COL11A1: variants seen among roughly 807,000 people sequenced by gnomAD.
COL11A1 encodes collagen alpha-1(XI) chain.
COL11A1 carries 74 observed loss-of-function variants against 265.2 expected under a neutral mutation model. The ratio of observed to expected loss-of-function variants is 0.28; its 90% CI spans 0.23 to 0.34. COL11A1 has a LOEUF of 0.34. Among genes scored for constraint, COL11A1 ranks in the 10% least tolerant of loss-of-function variants. The pLI, the probability that COL11A1 is intolerant of heterozygous loss-of-function variation, is 1.00. For synonymous variants in COL11A1, 816 were observed against 727.6 expected (o/e 1.12, Z -1.96); for missense variants, 2,165 against 2,263.6 (o/e 0.96, Z 0.88).
At chr1:103,100,411 A>G (rs1674155508) in intron 1 of COL11A1, 1 of 151,908 alleles carries the variant, frequency 6.6e-6, no homozygotes, top group South Asian at 2.1e-4. Context: ...AAGGAACAAA[A>G]CTAATATTTG....
At chr1:103,077,371 G>A (rs146684447) in intron 3 of COL11A1, among the ~76,000 whole-genome samples, 151 of 151,800 alleles carry the variant, frequency 9.9e-4, no homozygotes, top group African/African-American at 3.4e-3. Flanking sequence ...GAAAAATAAG[G>A]TGTGAATAAT....
At chr1:102,919,913 A>G (rs889753257) in intron 49 of COL11A1, among the ~76,000 whole-genome samples, 1 of 151,998 alleles carries the variant, frequency 6.6e-6, no homozygotes, top group Non-Finnish European at 1.5e-5. Context: ...TACATCAACC[A>G]ATCTCTTCTA....
At chr1:103,061,782 A>G (rs185151979) in intron 4 of COL11A1, among the ~76,000 whole-genome samples, 21 of 152,142 alleles carry the variant, frequency 1.4e-4, no homozygotes, top group Admixed American at 3.3e-4. Flanking sequence ...CTATCCTAAG[A>G]ATCTAAACAA....
intron 36 of COL11A1, among the ~76,000 whole-genome samples, chr1:102,972,851 A>AGG (rs1662094608): frequency 6.6e-6 from 1 of 152,088 alleles, no homozygotes; most frequent in Admixed American, 6.6e-5. Flanking sequence ...GTCATGCTAT[A>AGG]ATTCTTAATC....
intron 1 of COL11A1, among the ~76,000 whole-genome samples, chr1:103,089,342 G>C (rs898675800): frequency 6.6e-6 from 1 of 152,154 alleles, no homozygotes; most frequent in East Asian, 1.9e-4. Flanking sequence ...AGAGGATGAT[G>C]TGACCTCTTT....
intron 64 of COL11A1, among the ~76,000 whole-genome samples, chr1:102,882,985 A>C (rs1466962064): frequency 6.6e-6 from 1 of 152,204 alleles, no homozygotes; most frequent in Non-Finnish European, 1.5e-5. Flanking sequence ...TGCAGAAAGA[A>C]TACATCTGGG....
chr1:103,067,404 A>G (rs566849656), intron 4 of COL11A1, among the ~76,000 whole-genome samples: 4 of 151,876 alleles, frequency 2.6e-5, no homozygotes, highest in Admixed American at 2.6e-4. Context: ...GAAATAAAAT[A>G]AAAAAAGAAA....
intron 54 of COL11A1, among the ~76,000 whole-genome samples, chr1:102,907,703 C>A (rs1654154325): frequency 6.6e-6 from 1 of 151,050 alleles, no homozygotes; most frequent in Non-Finnish European, 1.5e-5. Context: ...TACACATACA[C>A]ATATTTATTC....
chr1:102,974,219 T>C (rs972551662), intron 36 of COL11A1, among the ~76,000 whole-genome samples: 41 of 152,208 alleles, frequency 2.7e-4, no homozygotes, highest in African/African-American at 9.6e-4. Flanking sequence ...CAGTATGTTC[T>C]ATGTCCCCAC....
intron 49 of COL11A1, among the ~76,000 whole-genome samples, chr1:102,917,649 CTT>C (rs1306337676): frequency 1.1e-4 from 17 of 151,850 alleles, no homozygotes; most frequent in Admixed American, 3.9e-4. Flanking sequence ...TTGTTGTTCT[CTT>C]TTCGTTCTTA....
chr1:103,034,265 G>A (rs1668194325), intron 4 of COL11A1, among the ~76,000 whole-genome samples: 1 of 152,028 alleles, frequency 6.6e-6, no homozygotes, highest in Admixed American at 6.6e-5. Flanking sequence ...GAAGTGTTCA[G>A]TCATTACTTT....
chr1:103,027,115 T>C (rs2101970690), intron 5 of COL11A1, among the ~76,000 whole-genome samples: 1 of 151,566 alleles, frequency 6.6e-6, no homozygotes, highest in African/African-American at 2.4e-5. Context: ...AAATTCACAC[T>C]GGAAATAGTA....
At chr1:103,093,927 C>T (rs373512588) in intron 1 of COL11A1, among the ~76,000 whole-genome samples, 4 of 151,990 alleles carry the variant, frequency 2.6e-5, no homozygotes, top group Non-Finnish European at 2.9e-5. Context: ...TGGAAGAGAA[C>T]GCTGATAGAA....
At chr1:103,030,197 T>C (rs1175377934) in intron 5 of COL11A1, among the ~76,000 whole-genome samples, 1 of 152,212 alleles carries the variant, frequency 6.6e-6, no homozygotes, top group East Asian at 1.9e-4. Context: ...CTTTACACTC[T>C]CATATTTGCC....
At chr1:103,065,542 A>G (rs1671054313) in intron 4 of COL11A1, among the ~76,000 whole-genome samples, 1 of 121,896 alleles carries the variant, frequency 8.2e-6, no homozygotes, top group African/African-American at 3.4e-5. Context: ...AAAAAAAAAA[A>G]AAAAAGAAAG....
rs552447992 is a variant in COL11A1, at chr1:102,965,055, G to A, written c.2916+432C>T. 9.9e-5 allele frequency among the ~76,000 whole-genome samples: 15 copies of A among 151,976 alleles called. No individual in the cohort carries two copies. The East Asian group carries it at 1.4e-3, about 14-fold the overall frequency. On this transcript the variant is annotated intron_variant, in intron 38 of 66. Coordinates refer to ENST00000370096, the MANE Select transcript of COL11A1 (RefSeq NM_001854.4). Reference sequence around the variant, plus strand: ...AAAAATCTTAAGAAACACCTAATATGTTACAAATATTAAAATTTTAGAATG... The same window carrying A: ...AAAAATCTTAAGAAACACCTAATATATTACAAATATTAAAATTTTAGAATG...
intron 41 of COL11A1, 81 bp downstream of exon 41, chr1:102,961,785 G>C (rs980806099): frequency 7.8e-7 from 1 of 1,284,024 alleles, no homozygotes; most frequent in African/African-American, 1.5e-5. Flanking sequence ...ACACACTGTG[G>C]AATCACAGCA....
At chr1:102,881,128 T>C (rs1222121759) in intron 65 of COL11A1, among the ~76,000 whole-genome samples, 1 of 152,114 alleles carries the variant, frequency 6.6e-6, no homozygotes, top group Non-Finnish European at 1.5e-5. Context: ...TTCAATAACT[T>C]CTAAATAAAA....
intron 1 of COL11A1, among the ~76,000 whole-genome samples, chr1:103,097,147 G>A (rs1673842538): frequency 6.6e-6 from 1 of 152,004 alleles, no homozygotes; most frequent in Admixed American, 6.6e-5. Context: ...CTAGTTATGT[G>A]TTGATATCGA....
Sources: allele counts gnomAD v4.1 joint callset (sites outside exome capture counted in the v4.1 genomes callset), GRCh38; gene constraint gnomAD v4.1.1; transcripts MANE v1.5; gene names NCBI Gene and HGNC (gene_info 2026-07-23, HGNC 2026-07-21).